Variants in SSH2 observed in about 807,000 individuals in gnomAD.
SSH2 encodes the protein slingshot protein phosphatase 2.
Under a neutral mutation model 135.2 loss-of-function variants are expected in SSH2, and 37 were observed. The ratio of observed to expected loss-of-function variants is 0.27; its 90% CI spans 0.21 to 0.36. The LOEUF (loss-of-function observed/expected upper bound fraction) is 0.36. SSH2 is among the 10% of genes least tolerant of loss of function. The pLI is 1.00. For synonymous variants in SSH2, 628 were observed against 646.2 expected, an observed-to-expected ratio of 0.97 and a Z score of 0.43; for missense variants, 1,408 against 1,765.3, an observed-to-expected ratio of 0.80 and a Z score of 3.63.
intron 4 of SSH2, among the ~76,000 whole-genome samples, chr17:29,702,073 C>G (rs1472971521): frequency 6.6e-6 from 1 of 151,874 alleles, no homozygotes; most frequent in South Asian, 2.1e-4. Flanking sequence ...TAACTGAGGG[C>G]TGGGTGCGGG....
rs759421916 is a variant in SSH2 at position 29,655,615 on chromosome 17, G to C, written c.1033-8C>G. 4 of 1,613,654 alleles carry C rather than the reference G, an allele frequency of 2.5e-6. No individual in the cohort carries two copies. Among genetic ancestry groups the C allele is most frequent in the Non-Finnish European group, 3.4e-6 (4 of 1,179,642 alleles). ...GGCATTCCATTCTGAGCCCTATGGA[G>C]CCAAAAAGACAAGGTTAAGGAGTAT... is the stretch of plus-strand genomic sequence containing the variant. On this transcript the variant is annotated splice_polypyrimidine_tract_variant and splice_region_variant and intron_variant, in intron 11 of 15. Coordinates refer to ENST00000540801, the MANE Select transcript of SSH2 (RefSeq NM_001282129.2).
chr17:29,852,304 G>C (rs762357443), intron 1 of SSH2, among the ~76,000 whole-genome samples: 1 of 151,674 alleles, frequency 6.6e-6, no homozygotes, highest in Non-Finnish European at 1.5e-5. Flanking sequence ...TTTCAAGAAA[G>C]AGGTCCTGTA....
At chr17:29,872,754 T>C (rs2065959632) in intron 1 of SSH2, among the ~76,000 whole-genome samples, 2 of 152,072 alleles carry the variant, frequency 1.3e-5, no homozygotes, top group South Asian at 4.2e-4. Context: ...TCCAGCACTT[T>C]GGGAGGCGAG....
At chr17:29,817,782 G>C (rs2042583623) in intron 2 of SSH2, among the ~76,000 whole-genome samples, 1 of 151,956 alleles carries the variant, frequency 6.6e-6, no homozygotes, top group African/African-American at 2.4e-5. Flanking sequence ...TTTGAGTAGG[G>C]GTCTCGTTCT....
At chr17:29,633,025 C>G in intron 15 of SSH2, 94 bp from the exon 16 acceptor site, 1 of 1,127,632 alleles carries the variant, frequency 8.9e-7, no homozygotes. Context: ...TCCAGGACAA[C>G]CTATCTGACT....
At chr17:29,643,159 T>C (rs866588585) in intron 14 of SSH2, 3 of 985,332 alleles carry the variant, frequency 3.0e-6, no homozygotes, top group Middle Eastern at 5.2e-4. Flanking sequence ...GATTTTTTTC[T>C]TTGCTCTTCT....
intron 14 of SSH2, among the ~76,000 whole-genome samples, chr17:29,638,912 C>A (rs1364650379): frequency 6.6e-6 from 1 of 151,886 alleles, no homozygotes; most frequent in African/African-American, 2.4e-5. Flanking sequence ...CAGAAAAAAA[C>A]CTACTAAAAT....
intron 2 of SSH2, among the ~76,000 whole-genome samples, chr17:29,805,814 C>A (rs1171588419): frequency 6.6e-6 from 1 of 151,120 alleles, no homozygotes; most frequent in Non-Finnish European, 1.5e-5. Flanking sequence ...CTCAAGGTAC[C>A]TGTGCTAGGT....
Position 29,672,116 on chromosome 17 carries a change from T to G in SSH2, c.628A>C (p.Ser210Arg). ...GCGACTTCACAAGCCTTGTGTAAGC[T>G]CTGTAGTGCAGACCTGAAAGACATG... is the stretch of plus-strand genomic sequence containing the variant. ...SVQAMWSALQ[S>R]LHKACEVARA... Residue 210 changes from serine (S) to arginine (R), a missense_variant, in exon 9 of 16, where the codon AGC (serine) becomes CGC (arginine). Physicochemically the swap from Ser to Arg is moderately radical, Grantham distance 110 (BLOSUM62 -1). Around this residue, in one of 3 missense-constraint regions of SSH2, gnomAD observed 222 missense variants for 355.6 expected, o/e 0.62. Transcript: ENST00000540801. 1 of 1,613,796 alleles carries G rather than the reference T, an allele frequency of 6.2e-7. No homozygotes were observed. Among genetic ancestry groups the G allele is most frequent in the Non-Finnish European group, 8.5e-7 (1 of 1,179,870 alleles).
chr17:29,665,497 C>T (rs2037232000), intron 11 of SSH2, among the ~76,000 whole-genome samples: 1 of 152,194 alleles, frequency 6.6e-6, no homozygotes, highest in Non-Finnish European at 1.5e-5. Flanking sequence ...GAGGTGGATC[C>T]AGTTTAGTCA....
chr17:29,740,849 C>T (rs2040530140), intron 3 of SSH2, among the ~76,000 whole-genome samples: 1 of 152,210 alleles, frequency 6.6e-6, no homozygotes, highest in Non-Finnish European at 1.5e-5. Context: ...TAATTTGCTA[C>T]AGGACCTAAG....
chr17:29,867,148 T>A (rs1453053851), intron 1 of SSH2, among the ~76,000 whole-genome samples: 1 of 151,376 alleles, frequency 6.6e-6, no homozygotes, highest in Non-Finnish European at 1.5e-5. Flanking sequence ...TGTGTAGGAG[T>A]TTTTAAAAGA....
intron 6 of SSH2, among the ~76,000 whole-genome samples, chr17:29,681,811 A>G (rs2038001261): frequency 6.6e-6 from 1 of 152,202 alleles, no homozygotes; most frequent in Non-Finnish European, 1.5e-5. Flanking sequence ...TTACATTCTC[A>G]GATATGAAAT....
At chr17:29,877,829 C>T (rs931050836) in intron 1 of SSH2, among the ~76,000 whole-genome samples, 1 of 151,912 alleles carries the variant, frequency 6.6e-6, no homozygotes, top group Non-Finnish European at 1.5e-5. Context: ...TGGTTCACAT[C>T]TGTAATCCCA....
At chr17:29,808,077 G>T (rs1289029079) in intron 2 of SSH2, among the ~76,000 whole-genome samples, 2 of 152,148 alleles carry the variant, frequency 1.3e-5, no homozygotes, top group Non-Finnish European at 2.9e-5. Flanking sequence ...AGAGTCTTTA[G>T]CTAGCAGATC....
chr17:29,656,331 C>G (rs888190327), intron 11 of SSH2, among the ~76,000 whole-genome samples: 3 of 152,164 alleles, frequency 2.0e-5, no homozygotes, highest in African/African-American at 7.2e-5. Context: ...TGCGCGCCAC[C>G]ATGCCCAGCT....
At chr17:29,819,285 A>T (rs1010837843) in intron 2 of SSH2, among the ~76,000 whole-genome samples, 1 of 152,156 alleles carries the variant, frequency 6.6e-6, no homozygotes, top group Admixed American at 6.5e-5. Flanking sequence ...GGGTCAGTAA[A>T]CACTTTCCTT....
At chr17:29,922,576 A>G (rs2066994424) in intron 1 of SSH2, among the ~76,000 whole-genome samples, 1 of 152,270 alleles carries the variant, frequency 6.6e-6, no homozygotes, top group African/African-American at 2.4e-5. Context: ...TTTGAAAAAT[A>G]CGTGACCTAA....
At chr17:29,659,265 G>A (rs75770310) in intron 11 of SSH2, among the ~76,000 whole-genome samples, 3,461 of 152,200 alleles carry the variant, frequency 0.023, 115 homozygotes, top group African/African-American at 0.08. Flanking sequence ...ATACACTTTT[G>A]TTAAACACTG....
Sources: gnomAD v4.1 joint callset for allele counts (sites outside exome capture counted in the v4.1 genomes callset) on GRCh38, gnomAD v4.1.1 for gene constraint, gnomAD v4.1.1 regional missense constraint, MANE v1.5 for transcripts, NCBI Gene and HGNC (gene_info 2026-07-23, HGNC 2026-07-21) for gene names.